The following NCOA1 variants were observed in gnomAD, a reference collection of about 807,000 sequenced individuals.
The protein encoded by NCOA1 is Hin-2 protein.
In NCOA1, 35 loss-of-function variants were observed where a neutral mutation model predicts 150.9. That is an observed-to-expected ratio of 0.23 (90% CI 0.18 to 0.31). NCOA1 has a LOEUF of 0.31. NCOA1 is among the 10% of genes least tolerant of loss of function. The pLI is 1.00. For missense variants in NCOA1, 1,491 were observed against 1,749.3 expected, an observed-to-expected ratio of 0.85 and a Z score of 2.63; for synonymous variants, 590 against 630.0, an observed-to-expected ratio of 0.94 and a Z score of 0.95.
intron 19 of NCOA1, among the ~76,000 whole-genome samples, chr2:24,743,076 G>C (rs1215024392): frequency 6.6e-6 from 1 of 152,162 alleles, no homozygotes; most frequent in African/African-American, 2.4e-5. Context: ...TTCAGGTTCT[G>C]ATAGGTAGTG....
intron 3 of NCOA1, among the ~76,000 whole-genome samples, chr2:24,596,371 A>T (rs1414569307): frequency 6.6e-6 from 1 of 152,192 alleles, no homozygotes; most frequent in Non-Finnish European, 1.5e-5. Context: ...TGAAGAATAA[A>T]ATGCCATACA....
At position 24,707,396 on chromosome 2, in the gene NCOA1, A is replaced by C; in HGVS notation, c.1926A>C (p.Glu642Asp). The C allele has an allele frequency of 6.2e-7, 1 of 1,614,218 alleles. No homozygotes were observed. The highest frequency in any genetic ancestry group is 8.5e-7 in the Non-Finnish European group (1 of 1,180,044). ...TGCAGCTTTTGACAACAACTGCCGA[A>C]CAGCAGTTACGGCATGCTGATATAG... Reference protein sequence around the residue: ...KLVQLLTTTAEQQLRHADIDT... With the variant: ...KLVQLLTTTADQQLRHADIDT... The change falls in exon 13 of 23, where the codon GAA becomes GAC. Residue 642 changes from glutamate (E) to aspartate (D), a missense_variant. Glu to Asp is a conservative substitution (Grantham distance 45, BLOSUM62 2). Transcript: ENST00000348332.
intron 7 of NCOA1, among the ~76,000 whole-genome samples, chr2:24,676,782 C>T (rs754595056): frequency 2.3e-4 from 35 of 151,996 alleles, no homozygotes; most frequent in Non-Finnish European, 4.3e-4. Flanking sequence ...TAAGAAAGAA[C>T]CAAACTGATC....
intron 22 of NCOA1, among the ~76,000 whole-genome samples, chr2:24,763,277 T>C (rs890190109): frequency 2.0e-5 from 3 of 152,194 alleles, no homozygotes; most frequent in Non-Finnish European, 2.9e-5. Flanking sequence ...CGGTGGCTCA[T>C]GCCTGTAATC....
chr2:24,517,026 A>C (rs1229968673), intron 1 of NCOA1, among the ~76,000 whole-genome samples: 5 of 138,278 alleles, frequency 3.6e-5, no homozygotes, highest in Non-Finnish European at 6.4e-5. Flanking sequence ...ACACACACAC[A>C]CACCCCATTT....
intron 3 of NCOA1, among the ~76,000 whole-genome samples, chr2:24,595,777 A>G (rs191585128): frequency 2.0e-5 from 3 of 152,248 alleles, no homozygotes; most frequent in East Asian, 1.9e-4. Flanking sequence ...GGAGCTCTCA[A>G]CTAGGCAAGC....
chr2:24,651,394 T>C (rs1229369013), intron 4 of NCOA1, among the ~76,000 whole-genome samples: 2 of 152,104 alleles, frequency 1.3e-5, no homozygotes, highest in Non-Finnish European at 2.9e-5. Context: ...GATCCTGCCA[T>C]TTGCCACAAC....
chr2:24,642,037 T>TGTGTGTGTGTGTGTGTGTGCGCGC lies in NCOA1; in HGVS notation c.-174-1928_-174-1927insTGTGTGTGTGTGTGTGTGCGCGCG, dbSNP rs942145000. Among the ~76,000 whole-genome samples, 767 of 138,500 alleles carry TGTGTGTGTGTGTGTGTGTGCGCGC rather than the reference T, an allele frequency of 5.5e-3. 4 individuals carry two copies. The highest frequency in any genetic ancestry group is 0.01 in the African/African-American group (408 of 39,128). The allele number at this position is 138,500 out of a possible 152,430, so 90.9% of individuals were successfully genotyped here. ...GTGTGTGTGTGTGTGTGTGTGTGTG[T>TGTGTGTGTGTGTGTGTGTGCGCGC]GCGCGCGTGCGTATGTGTGTGTGTA... On this transcript the variant is annotated intron_variant, in intron 3 of 22. Transcript: ENST00000348332.
intron 21 of NCOA1, among the ~76,000 whole-genome samples, chr2:24,762,255 A>C (rs1664827003): frequency 6.6e-6 from 1 of 152,150 alleles, no homozygotes; most frequent in South Asian, 2.1e-4. Context: ...ATATTTTGTC[A>C]ATTTTTTTAG....
At chr2:24,670,117 A>C (rs988167951) in intron 6 of NCOA1, among the ~76,000 whole-genome samples, 2 of 150,754 alleles carry the variant, frequency 1.3e-5, no homozygotes, top group African/African-American at 2.4e-5. Flanking sequence ...CATCCTCAGC[A>C]ACAGAGCAAG....
intron 3 of NCOA1, among the ~76,000 whole-genome samples, chr2:24,590,214 C>T (rs1196241387): frequency 6.6e-6 from 1 of 152,050 alleles, no homozygotes; most frequent in Non-Finnish European, 1.5e-5. Flanking sequence ...ATGGATGCTA[C>T]TCATAGAATA....
At chr2:24,723,773 T>C (rs534350163) in intron 14 of NCOA1, among the ~76,000 whole-genome samples, 9 of 152,254 alleles carry the variant, frequency 5.9e-5, no homozygotes, top group Middle Eastern at 3.4e-3. Context: ...GTTAGAAAAA[T>C]GAGTTCTTTG....
intron 1 of NCOA1, among the ~76,000 whole-genome samples, chr2:24,518,479 G>A (rs1006314165): frequency 6.6e-6 from 1 of 151,954 alleles, no homozygotes; most frequent in African/African-American, 2.4e-5. Context: ...TTATACTGGA[G>A]GTTCTAATCT....
chr2:24,705,296 A>G, intron 12 of NCOA1, 63 bp downstream of exon 12: 1 of 1,519,296 alleles, frequency 6.6e-7, no homozygotes, highest in Non-Finnish European at 9.0e-7. Context: ...TATTAGAGAA[A>G]TTTTTTATAC....
intron 4 of NCOA1, among the ~76,000 whole-genome samples, chr2:24,658,360 G>GA (rs1031673117): frequency 7.3e-5 from 11 of 150,536 alleles, no homozygotes; most frequent in African/African-American, 1.9e-4. Flanking sequence ...TTTCTCTTTG[G>GA]AAAAAAAAAT....
intron 4 of NCOA1, among the ~76,000 whole-genome samples, chr2:24,644,892 C>A (rs1670398323): frequency 6.6e-6 from 1 of 152,044 alleles, no homozygotes; most frequent in African/African-American, 2.4e-5. Flanking sequence ...TAGAACAATA[C>A]CACCACCCCA....
intron 18 of NCOA1, among the ~76,000 whole-genome samples, chr2:24,740,419 CT>C (rs759196168): frequency 1.3e-5 from 2 of 152,162 alleles, no homozygotes; most frequent in Non-Finnish European, 2.9e-5. Context: ...GGCTATAAAC[CT>C]GTACTGCATG....
intron 3 of NCOA1, among the ~76,000 whole-genome samples, chr2:24,611,326 C>T (rs1668615563): frequency 6.6e-6 from 1 of 152,150 alleles, no homozygotes; most frequent in African/African-American, 2.4e-5. Context: ...ACGTGTACCA[C>T]ATTTAATTTG....
intron 14 of NCOA1, among the ~76,000 whole-genome samples, chr2:24,725,248 A>G (rs1485736664): frequency 6.6e-6 from 1 of 152,136 alleles, no homozygotes; most frequent in East Asian, 1.9e-4. Flanking sequence ...AGTTTTTAAA[A>G]AAAGATTCTA....
Sources: allele counts gnomAD v4.1 joint callset (sites outside exome capture counted in the v4.1 genomes callset), GRCh38; gene constraint gnomAD v4.1.1; transcripts MANE v1.5; gene names NCBI Gene and HGNC (gene_info 2026-07-23, HGNC 2026-07-21).